Variants in PDZD2 observed in about 807,000 individuals in gnomAD.
PDZD2 encodes the protein PDZ domain-containing protein 2.
Under a neutral mutation model 220.7 loss-of-function variants are expected in PDZD2, and 90 were observed. The ratio of observed to expected loss-of-function variants is 0.41; its 90% CI spans 0.34 to 0.49. The LOEUF (loss-of-function observed/expected upper bound fraction) is 0.49. PDZD2 is among the 20% of genes least tolerant of loss of function. The pLI is 0.28. For missense variants in PDZD2, 3,174 were observed against 3,608.5 expected (o/e 0.88, Z 3.08); for synonymous variants, 1,375 against 1,450.5 (o/e 0.95, Z 1.18).
intron 6 of PDZD2, among the ~76,000 whole-genome samples, chr5:32,016,917 C>T (rs1410883281): frequency 1.3e-5 from 2 of 152,198 alleles, no homozygotes; most frequent in Admixed American, 6.5e-5. Flanking sequence ...TGTCATCCTC[C>T]ATGAGGTGGA....
chr5:32,064,456 T>A (rs1318420607), intron 14 of PDZD2, among the ~76,000 whole-genome samples: 1 of 151,958 alleles, frequency 6.6e-6, no homozygotes, highest in Non-Finnish European at 1.5e-5. Context: ...TTGGCTAGGC[T>A]GGTCTCGAAC....
chr5:31,719,238 G>C (rs1429479600), intron 1 of PDZD2, among the ~76,000 whole-genome samples: 1 of 152,108 alleles, frequency 6.6e-6, no homozygotes, highest in Non-Finnish European at 1.5e-5. Context: ...TTGAGTCATT[G>C]GATTCCACTA....
rs751554814 is a variant in PDZD2, at chr5:32,088,903, G to A, written c.5455G>A (p.Glu1819Lys). 2.2e-5 allele frequency: 35 copies of A among 1,613,808 alleles called. No homozygotes were observed. In the South Asian group the frequency reaches 2.5e-4, roughly 12 times the overall value. Residue 1819 changes from glutamate to lysine, a missense_variant, in exon 20 of 25, where the codon GAG (glutamate) becomes AAG (lysine). Coordinates refer to ENST00000438447, the MANE Select transcript of PDZD2 (RefSeq NM_178140.4). The surrounding 1 kb of genome is among the most constrained non-coding windows in gnomAD (Gnocchi z 4.6). ...NQGTHLRSKT[E>K]KEQPLMPARS... ...AGGCACACATTTGAGGAGCAAAACC[G>A]AGAAGGAACAACCTCTAATGCCTGC...
rs1039770676 is a variant in PDZD2, at chr5:31,954,527, G to T, written c.477-28628G>T. Among the ~76,000 whole-genome samples the T allele has an allele frequency of 9.2e-5, 14 of 152,130 alleles. 1 individual carries two copies. Among genetic ancestry groups the T allele is most frequent in the Non-Finnish European group, 1.5e-5 (1 of 68,026 alleles). On this transcript the variant is annotated intron_variant, in intron 2 of 24. Transcript: ENST00000438447. ...AAAAGATTTAATTATATTATTAAATGCATTGTGACTATTGGCTTTGGAAGA... is the reference window on the plus strand; with the variant it reads ...AAAAGATTTAATTATATTATTAAATTCATTGTGACTATTGGCTTTGGAAGA...
intron 1 of PDZD2, among the ~76,000 whole-genome samples, chr5:31,671,009 C>T (rs1040749831): frequency 1.1e-4 from 16 of 152,000 alleles, no homozygotes; most frequent in African/African-American, 3.1e-4. Context: ...TTTGGGGGCA[C>T]GATTCCTTGG....
rs761214679 is a variant in PDZD2, at chr5:32,089,587, G to A, written c.6139G>A (p.Val2047Met). ...SPAASRNGMSVAGNRQSEPRL... is the reference protein window; with the variant it reads ...SPAASRNGMSMAGNRQSEPRL... ...GGCAGCGTCTAGGAACGGCATGTCC[G>A]TGGCAGGGAACAGACAGAGTGAGCC... The change falls in exon 20 of 25, where the codon GTG becomes ATG. Residue 2047 changes from valine to methionine, a missense_variant. By Grantham distance (21) the Val-to-Met change is conservative. Coordinates refer to ENST00000438447, the MANE Select transcript of PDZD2 (RefSeq NM_178140.4). 1.7e-5 allele frequency: 28 copies of A among 1,612,370 alleles called. No individual in the cohort carries two copies. Among genetic ancestry groups the A allele is most frequent in the African/African-American group, 4.0e-5 (3 of 74,942 alleles).
At chr5:31,999,383 C>CAAGTAG (rs1751919698) in intron 4 of PDZD2, among the ~76,000 whole-genome samples, 1 of 151,504 alleles carries the variant, frequency 6.6e-6, no homozygotes, top group African/African-American at 2.4e-5. Context: ...CCTGGTGGCA[C>CAAGTAG]GCACTTGTAG....
In PDZD2 at chr5:31,694,006, C is replaced by A. The variant is rs990717107; in HGVS notation, c.-361+54569C>A. On this transcript the variant is annotated intron_variant, in intron 1 of 24. Transcript: ENST00000438447. ...ATCATCATTAACTGCGTCATAACTGCCCAGGATTGAATATTGTTTTTAAAG... is the reference window on the plus strand; with the variant it reads ...ATCATCATTAACTGCGTCATAACTGACCAGGATTGAATATTGTTTTTAAAG... Among the ~76,000 whole-genome samples the A allele has an allele frequency of 3.9e-5, 6 of 152,262 alleles. No homozygotes were observed. The East Asian group carries it at 1.2e-3, about 29-fold the overall frequency.
intron 2 of PDZD2, among the ~76,000 whole-genome samples, chr5:31,883,847 CTATCTCACCTCCCA>C (rs749856588): frequency 6.3e-4 from 96 of 152,258 alleles, no homozygotes; most frequent in Non-Finnish European, 1.1e-3. Context: ...ACCGATCTGC[CTATCTCACCTCCCA>C]AAGTGCTGAG....
chr5:31,678,333 A>G (rs805202), intron 1 of PDZD2, among the ~76,000 whole-genome samples: 147,754 of 152,264 alleles, frequency 0.97, 71,830 homozygotes, highest in East Asian at 1. Context: ...TTGTGATCTG[A>G]GATCCAAGGC....
At chr5:31,847,036 A>G (rs1470648487) in intron 2 of PDZD2, among the ~76,000 whole-genome samples, 1 of 152,182 alleles carries the variant, frequency 6.6e-6, no homozygotes, top group Non-Finnish European at 1.5e-5. Context: ...CTCATGAATC[A>G]TCTATTGTTG....
At chr5:32,005,508 A>G (rs1378253523) in intron 5 of PDZD2, among the ~76,000 whole-genome samples, 1 of 145,862 alleles carries the variant, frequency 6.9e-6, no homozygotes, top group Non-Finnish European at 1.5e-5. Context: ...TATGTATTGT[A>G]TCAAATGTAG....
chr5:31,690,251 C>G (rs1747063214), intron 1 of PDZD2, among the ~76,000 whole-genome samples: 1 of 152,094 alleles, frequency 6.6e-6, no homozygotes, highest in South Asian at 2.1e-4. Context: ...CCTCACTAAA[C>G]TTCGGTTTGC....
At chr5:32,073,100 C>CTT (rs1157337533) in intron 17 of PDZD2, among the ~76,000 whole-genome samples, 1 of 151,918 alleles carries the variant, frequency 6.6e-6, no homozygotes, top group Non-Finnish European at 1.5e-5. Context: ...ATTTCTCAGA[C>CTT]TTCTTTCTGC....
intron 2 of PDZD2, among the ~76,000 whole-genome samples, chr5:31,869,458 G>T (rs1394215043): frequency 6.6e-6 from 1 of 152,202 alleles, no homozygotes; most frequent in East Asian, 1.9e-4. Context: ...AGCTACTTGG[G>T]AGGCTGAGGC....
At chr5:31,964,612 T>A (rs894658819) in intron 2 of PDZD2, among the ~76,000 whole-genome samples, 3 of 152,210 alleles carry the variant, frequency 2.0e-5, no homozygotes, top group African/African-American at 7.2e-5. Context: ...ATTAGCTAAG[T>A]CCTGTCCATT....
At chr5:31,653,934 G>A (rs1291548378) in intron 1 of PDZD2, among the ~76,000 whole-genome samples, 3 of 152,058 alleles carry the variant, frequency 2.0e-5, no homozygotes, top group African/African-American at 4.8e-5. Flanking sequence ...ACAGGCGCCC[G>A]CCACCACACT....
chr5:32,085,115 T>G (rs1742317546), intron 19 of PDZD2, among the ~76,000 whole-genome samples: 1 of 151,330 alleles, frequency 6.6e-6, no homozygotes, highest in Non-Finnish European at 1.5e-5. Flanking sequence ...CCACCATGCC[T>G]GGTTAATTTT....
chr5:32,097,602 C>A (rs58924319), intron 22 of PDZD2, among the ~76,000 whole-genome samples: 2,486 of 152,312 alleles, frequency 0.016, 71 homozygotes, highest in African/African-American at 0.057. Context: ...CATTTCCAAT[C>A]CCTATAAACA....
Sources: gnomAD v4.1 joint callset for allele counts (sites outside exome capture counted in the v4.1 genomes callset) on GRCh38, gnomAD v4.1.1 for gene constraint, Gnocchi (gnomAD v3.1) non-coding constraint, MANE v1.5 for transcripts, NCBI Gene and HGNC (gene_info 2026-07-23, HGNC 2026-07-21) for gene names.